The following MDGA2 variants were observed in gnomAD, a reference collection of about 807,000 sequenced individuals.
MDGA2 encodes the protein MAM domain-containing glycosylphosphatidylinositol anchor protein 2.
A neutral mutation model predicts 117.8 loss-of-function variants in MDGA2; 40 were observed. The observed-to-expected ratio is 0.34, with a 90% CI of 0.26 to 0.44. The LOEUF is 0.44. Ranked by LOEUF, MDGA2 falls within the 20% of genes least tolerant of loss-of-function variation. The probability of loss-of-function intolerance (pLI) is 1.00; values close to 1 mark genes in which losing one functional copy is unlikely to be tolerated. For synonymous variants in MDGA2, 452 were observed against 439.0 expected (o/e 1.03, Z -0.37); for missense variants, 1,123 against 1,250.6 (o/e 0.90, Z 1.54).
chr14:47,416,236 T>C (rs1892472843), intron 1 of MDGA2, among the ~76,000 whole-genome samples: 1 of 152,170 alleles, frequency 6.6e-6, no homozygotes, highest in Non-Finnish European at 1.5e-5. Context: ...TCAAACATGT[T>C]ATGCATTTCC....
intron 8 of MDGA2, among the ~76,000 whole-genome samples, chr14:46,989,410 C>T (rs1283138647): frequency 6.6e-6 from 1 of 151,968 alleles, no homozygotes; most frequent in African/African-American, 2.4e-5. Flanking sequence ...ACTCCAGGTA[C>T]ATTTAAACAC....
At chr14:47,590,994 A>G (rs986505549) in intron 1 of MDGA2, among the ~76,000 whole-genome samples, 1 of 152,058 alleles carries the variant, frequency 6.6e-6, no homozygotes, top group East Asian at 1.9e-4. Flanking sequence ...TGTTAGAAAA[A>G]AAAAGTCAAT....
chr14:47,139,986 A>G (rs1242236333), intron 4 of MDGA2, among the ~76,000 whole-genome samples: 1 of 151,532 alleles, frequency 6.6e-6, no homozygotes, highest in East Asian at 1.9e-4. Flanking sequence ...GAGTAACCCA[A>G]TATGGAAGTA....
At chr14:47,371,315 T>A (rs183579035) in intron 1 of MDGA2, among the ~76,000 whole-genome samples, 3 of 151,944 alleles carry the variant, frequency 2.0e-5, no homozygotes, top group Admixed American at 2.0e-4. Context: ...TAGTGTAAAA[T>A]TTTAAAACCT....
chr14:47,420,830 T>TTAATAATAA (rs10656098), intron 1 of MDGA2, among the ~76,000 whole-genome samples: 2 of 150,458 alleles, frequency 1.3e-5, no homozygotes, highest in Admixed American at 1.3e-4. Flanking sequence ...AAAGAGTAAG[T>TTAATAATAA]TAATAATAAT....
At chr14:47,519,610 T>C (rs1269786884) in intron 1 of MDGA2, among the ~76,000 whole-genome samples, 2 of 152,216 alleles carry the variant, frequency 1.3e-5, no homozygotes, top group African/African-American at 4.8e-5. Flanking sequence ...CAAGTTTTTA[T>C]TTGATTATTT....
intron 1 of MDGA2, among the ~76,000 whole-genome samples, chr14:47,669,079 C>T (rs941769710): frequency 6.6e-6 from 1 of 152,190 alleles, no homozygotes; most frequent in African/African-American, 2.4e-5. Context: ...GCTATAATCC[C>T]ATCCCCATGA....
At chr14:47,077,564 C>T (rs111907242) in intron 6 of MDGA2, among the ~76,000 whole-genome samples, 156 of 151,810 alleles carry the variant, frequency 1.0e-3, no homozygotes, top group African/African-American at 3.5e-3. Flanking sequence ...GAAGCTGAAA[C>T]TAATTTACTT....
chr14:47,163,385 G>A (rs1311926750), intron 3 of MDGA2, among the ~76,000 whole-genome samples: 2 of 152,128 alleles, frequency 1.3e-5, no homozygotes, highest in Non-Finnish European at 2.9e-5. Context: ...GGGACCTGGT[G>A]GGAATCATGA....
chr14:47,321,721 C>T (rs1022525542), intron 1 of MDGA2, among the ~76,000 whole-genome samples: 1 of 152,196 alleles, frequency 6.6e-6, no homozygotes, highest in Admixed American at 6.5e-5. Context: ...GTTAAAGACG[C>T]TTACAAACCA....
At position 47,261,442 on chromosome 14, in the gene MDGA2, A is replaced by G. The variant is rs570403646; in HGVS notation, c.420+39969T>C. Reference sequence around the variant, plus strand: ...GTAATGCAATAAGTAAGTAAGGATCAAGTTTTATAAGCTGCTGTTTGAAAG... The same window carrying G: ...GTAATGCAATAAGTAAGTAAGGATCGAGTTTTATAAGCTGCTGTTTGAAAG... On this transcript the variant is annotated intron_variant, in intron 2 of 16. Coordinates refer to ENST00000399232, the MANE Select transcript of MDGA2 (RefSeq NM_001113498.3). 7.2e-4 allele frequency among the ~76,000 whole-genome samples: 109 copies of G among 152,280 alleles called. 1 individual carries two copies. Among genetic ancestry groups the G allele is most frequent in the African/African-American group, 2.6e-3 (108 of 41,568 alleles).
chr14:47,503,874 A>G (rs563635117), intron 1 of MDGA2, among the ~76,000 whole-genome samples: 34 of 152,288 alleles, frequency 2.2e-4, no homozygotes, highest in African/African-American at 7.5e-4. Flanking sequence ...TATCTGTGAC[A>G]TTCTTTTAAA....
rs540566525 is a variant in MDGA2 at position 47,658,820 on chromosome 14, A to C, written c.280+15697T>G. ...ACCCACGTCCAAGGACTGGTAGAAA[A>C]GAGAGTAAACAGAATTCTTTCTCTA... is the stretch of plus-strand genomic sequence containing the variant. On this transcript the variant is annotated intron_variant, in intron 1 of 16. Transcript: ENST00000399232. Among the ~76,000 whole-genome samples the C allele has an allele frequency of 3.3e-5, 5 of 152,276 alleles. No individual in the cohort carries two copies. In the East Asian group the frequency reaches 9.7e-4, roughly 29 times the overall value.
At chr14:47,417,301 T>C (rs1892494395) in intron 1 of MDGA2, among the ~76,000 whole-genome samples, 1 of 152,224 alleles carries the variant, frequency 6.6e-6, no homozygotes, top group Non-Finnish European at 1.5e-5. Context: ...CATTCTACTT[T>C]GTCACTCACA....
At chr14:47,561,186 T>TTTTTC (rs1895808443) in intron 1 of MDGA2, among the ~76,000 whole-genome samples, 1 of 115,970 alleles carries the variant, frequency 8.6e-6, no homozygotes, top group Non-Finnish European at 1.9e-5. Context: ...TTTGTTTTTT[T>TTTTTC]TTGCTTAGGA....
chr14:46,968,896 C>G (rs181785100), intron 8 of MDGA2, among the ~76,000 whole-genome samples: 1 of 148,150 alleles, frequency 6.7e-6, no homozygotes, highest in Non-Finnish European at 1.5e-5. Flanking sequence ...TTGCAGGATA[C>G]AAAATCAAAA....
At chr14:47,386,006 C>T (rs369802680) in intron 1 of MDGA2, among the ~76,000 whole-genome samples, 7 of 152,094 alleles carry the variant, frequency 4.6e-5, no homozygotes, top group South Asian at 4.1e-4. Flanking sequence ...TTCAGCCAGG[C>T]GCGGTGGCTC....
At chr14:47,674,391 T>C (rs1421423742) in intron 1 of MDGA2, 126 bp downstream of exon 1, 2 of 777,878 alleles carry the variant, frequency 2.6e-6, no homozygotes, top group Admixed American at 2.8e-5. Context: ...CCCAATAACG[T>C]GATGAAGTGT....
chr14:47,304,238 C>G (rs781553055), intron 1 of MDGA2, among the ~76,000 whole-genome samples: 7 of 152,148 alleles, frequency 4.6e-5, no homozygotes, highest in Non-Finnish European at 8.8e-5. Flanking sequence ...TCATATAGGT[C>G]AGCACTCTTA....
Sources: gnomAD v4.1 joint callset for allele counts (sites outside exome capture counted in the v4.1 genomes callset) on GRCh38, gnomAD v4.1.1 for gene constraint, MANE v1.5 for transcripts, NCBI Gene and HGNC (gene_info 2026-07-23, HGNC 2026-07-21) for gene names.